Variants in PLXNA2 observed in about 807,000 individuals in gnomAD.
PLXNA2 encodes the protein plexin A2, also known as plexin-A2.
PLXNA2 carries 91 observed loss-of-function variants against 193.5 expected under a neutral mutation model. That is an observed-to-expected ratio of 0.47 (90% CI 0.40 to 0.56). The LOEUF is 0.56. Ranked by LOEUF, PLXNA2 falls within the 20% of genes least tolerant of loss-of-function variation. PLXNA2 has a pLI of 0.00. For synonymous variants in PLXNA2, 997 were observed against 1,027.3 expected (o/e 0.97, Z 0.56); for missense variants, 1,995 against 2,503.2 (o/e 0.80, Z 4.33).
intron 3 of PLXNA2, among the ~76,000 whole-genome samples, chr1:208,180,321 C>T (rs755532911): frequency 4.6e-5 from 7 of 152,018 alleles, no homozygotes; most frequent in East Asian, 1.9e-4. Flanking sequence ...TGCATTCAAG[C>T]GGTGGGAGAG....
intron 29 of PLXNA2, chr1:208,030,260 T>A (rs1191501725): frequency 1.0e-6 from 1 of 985,404 alleles, no homozygotes; most frequent in Non-Finnish European, 1.2e-6. Flanking sequence ...ACATTTGCTA[T>A]TGAGGTCTGG....
At chr1:208,051,211 A>T in intron 16 of PLXNA2, 45 bp downstream of exon 16, 1 of 1,596,012 alleles carries the variant, frequency 6.3e-7, no homozygotes, top group African/African-American at 1.3e-5. Context: ...TGCAGGGATC[A>T]TGCTGGGTGG....
At position 208,052,382 on chromosome 1, in the gene PLXNA2, C is replaced by G; in HGVS notation, c.2938G>C (p.Gly980Arg). ...TAGACTGCCACGCTGCTCCCAGCCC[C>G]AAGGTAATGGCCGGTAATGGTCACC... ...TMVTITGHYLGAGSSVAVYLG... is the reference protein window; with the variant it reads ...TMVTITGHYLRAGSSVAVYLG... The change falls in exon 15 of 32, where the codon GGG (glycine) becomes CGG (arginine). Residue 980 changes from glycine to arginine, a missense_variant. Transcript: ENST00000367033. 6.2e-7 allele frequency: 1 copy of G among 1,614,022 alleles called. No homozygotes were observed. Among genetic ancestry groups the G allele is most frequent in the East Asian group, 2.2e-5 (1 of 44,878 alleles).
intron 4 of PLXNA2, among the ~76,000 whole-genome samples, chr1:208,118,771 T>G (rs77092054): frequency 4.6e-5 from 7 of 151,068 alleles, no homozygotes; most frequent in Non-Finnish European, 8.8e-5. Flanking sequence ...TTAAAAGAGG[T>G]GCTTAGGATA....
chr1:208,085,066 A>T (rs1487989322), intron 9 of PLXNA2, among the ~76,000 whole-genome samples: 12 of 141,438 alleles, frequency 8.5e-5, no homozygotes. Context: ...TCCCAGCAAT[A>T]CTCTAAACAC....
intron 5 of PLXNA2, 32 bp from the exon 6 acceptor site, chr1:208,099,001 G>A (rs1247332134): frequency 6.2e-7 from 1 of 1,610,026 alleles, no homozygotes; most frequent in Non-Finnish European, 8.5e-7. Context: ...AAGAGGTCAG[G>A]CCTCTGGGAC....
chr1:208,087,640 G>A (rs950543562), intron 9 of PLXNA2, among the ~76,000 whole-genome samples: 8 of 152,128 alleles, frequency 5.3e-5, no homozygotes, highest in African/African-American at 1.2e-4. Flanking sequence ...GGAAAGAAGC[G>A]GTTGGTGCCC....
Position 208,092,770 on chromosome 1 carries a change from G to T in PLXNA2, c.2097+16C>A. 2 of 1,575,234 alleles carry T rather than the reference G, an allele frequency of 1.3e-6. No individual in the cohort carries two copies. Among genetic ancestry groups the T allele is most frequent in the Non-Finnish European group, 1.7e-6 (2 of 1,145,956 alleles). ...CTCACTGGGAACACTGCCATGTTAG[G>T]GTAAGCCCTTCTTACCTCTGAAATA... On this transcript the variant is annotated intron_variant, in intron 9 of 31. Coordinates refer to ENST00000367033, the MANE Select transcript of PLXNA2 (RefSeq NM_025179.4).
At chr1:208,093,094 A>G (rs1213482713) in intron 8 of PLXNA2, among the ~76,000 whole-genome samples, 194 bp from the exon 9 acceptor site, 5 of 152,242 alleles carry the variant, frequency 3.3e-5, no homozygotes, top group Admixed American at 2.6e-4. Context: ...GAAAATTGGA[A>G]AGAAAATGAG....
chr1:208,066,998 A>C (rs1319716354), intron 12 of PLXNA2, among the ~76,000 whole-genome samples: 13 of 152,220 alleles, frequency 8.5e-5, no homozygotes, highest in Admixed American at 8.5e-4. Context: ...TTTTAAGGTA[A>C]GTGTTATTAC....
chr1:208,042,024 G>A, intron 22 of PLXNA2, 74 bp downstream of exon 22: 2 of 1,484,562 alleles, frequency 1.3e-6, no homozygotes, highest in Non-Finnish European at 9.2e-7. Flanking sequence ...CTGCTTGTGG[G>A]GCCTGCTATA....
intron 3 of PLXNA2, among the ~76,000 whole-genome samples, chr1:208,174,642 A>G (rs73077834): frequency 0.026 from 3,888 of 152,186 alleles, 162 homozygotes; most frequent in African/African-American, 0.089. Flanking sequence ...CATGCCCCCA[A>G]TAGGCTGGTC....
chr1:208,240,530 A>G (rs189755923), intron 1 of PLXNA2, among the ~76,000 whole-genome samples: 23 of 152,280 alleles, frequency 1.5e-4, no homozygotes, highest in Non-Finnish European at 2.5e-4. Context: ...CATTGTTTGA[A>G]CTGAGCATAT....
At chr1:208,138,951 C>G (rs1422030807) in intron 4 of PLXNA2, among the ~76,000 whole-genome samples, 1 of 152,192 alleles carries the variant, frequency 6.6e-6, no homozygotes, top group South Asian at 2.1e-4. Context: ...CGCTTTAACC[C>G]AGGAGGCGGA....
chr1:208,032,389 G>C (rs1019469286), intron 28 of PLXNA2, among the ~76,000 whole-genome samples: 3 of 152,298 alleles, frequency 2.0e-5, no homozygotes, highest in Admixed American at 1.3e-4. Flanking sequence ...AGGGTCAGCA[G>C]AAACCTCTAG....
intron 1 of PLXNA2, among the ~76,000 whole-genome samples, chr1:208,233,123 C>T (rs1012867926): frequency 3.3e-5 from 5 of 152,132 alleles, no homozygotes; most frequent in African/African-American, 1.2e-4. Flanking sequence ...TAATCTCTCT[C>T]CTTCTGTCTT....
intron 4 of PLXNA2, among the ~76,000 whole-genome samples, chr1:208,128,469 T>C (rs1335266607): frequency 1.3e-5 from 2 of 151,904 alleles, no homozygotes; most frequent in Admixed American, 6.6e-5. Context: ...AGGTAGGTAT[T>C]ATTGTTATCC....
chr1:208,226,589 C>A (rs913527024), intron 1 of PLXNA2, among the ~76,000 whole-genome samples: 16 of 152,180 alleles, frequency 1.1e-4, no homozygotes, highest in African/African-American at 3.9e-4. Flanking sequence ...AAACAAGATT[C>A]ATTACCCTGG....
At chr1:208,099,065 G>A (rs1667010085) in intron 5 of PLXNA2, 96 bp from the exon 6 acceptor site, 11 of 1,470,016 alleles carry the variant, frequency 7.5e-6, no homozygotes, top group Non-Finnish European at 1.0e-5. Context: ...GCTGCCCTGA[G>A]GCCTGTGTCC....
Sources: allele counts gnomAD v4.1 joint callset (sites outside exome capture counted in the v4.1 genomes callset), GRCh38; gene constraint gnomAD v4.1.1; transcripts MANE v1.5; gene names NCBI Gene and HGNC (gene_info 2026-07-23, HGNC 2026-07-21).